Variants in KARS1 observed in about 807,000 individuals in gnomAD.
KARS1 encodes the protein lysyl-tRNA synthetase 1.
In KARS1, 50 loss-of-function variants were observed where a neutral mutation model predicts 63.9. The ratio of observed to expected loss-of-function variants is 0.78; its 90% CI spans 0.62 to 0.99. The LOEUF is 0.99. KARS1 is among the 50% of genes least tolerant of loss of function. The pLI is 0.00. For synonymous variants in KARS1, 320 were observed against 264.6 expected (o/e 1.21, Z -2.03); for missense variants, 816 against 754.5 (o/e 1.08, Z -0.95).
At chr16:75,632,169 C>A (rs964353808) in intron 7 of KARS1, among the ~76,000 whole-genome samples, 13 of 152,152 alleles carry the variant, frequency 8.5e-5, no homozygotes, top group African/African-American at 2.9e-4. Flanking sequence ...GGATTACAGG[C>A]ATGAGCCACC....
At chr16:75,647,557 A>G (rs2082303263) in intron 1 of KARS1, 21 bp downstream of exon 1, 2 of 1,610,742 alleles carry the variant, frequency 1.2e-6, no homozygotes, top group Admixed American at 1.7e-5. Context: ...AAAGGCTTTA[A>G]AGACTCGCAG....
intron 1 of KARS1, 46 bp downstream of exon 1, chr16:75,647,532 A>G: frequency 1.3e-6 from 2 of 1,580,664 alleles, no homozygotes. Flanking sequence ...TTCCCAGCCC[A>G]GACTCTCCTA....
At chr16:75,640,035 T>C in intron 3 of KARS1, 149 bp downstream of exon 3, 2 of 703,938 alleles carry the variant, frequency 2.8e-6, no homozygotes, top group Non-Finnish European at 5.1e-6. Context: ...TGCTTCTTTC[T>C]GTATAGATAT....
intron 1 of KARS1, chr16:75,642,669 T>C (rs1026610400): frequency 6.6e-6 from 1 of 152,240 alleles, no homozygotes; most frequent in African/African-American, 2.4e-5. Context: ...CTGTCAGCAT[T>C]AGTCTCACTT....
intron 12 of KARS1, 73 bp from the exon 13 acceptor site, chr16:75,628,785 G>C (rs940120009): frequency 1.3e-6 from 2 of 1,528,880 alleles, no homozygotes; most frequent in Non-Finnish European, 1.8e-6. Flanking sequence ...CATGTTACCA[G>C]GCTCCGAGGT....
rs748434176 is a variant in KARS1, at chr16:75,636,474, C to T, written c.462G>A (p.Leu154=). Reference sequence around the variant, plus strand: ...GATACCTGGAATTGGCCATGACTTGCAACTTCACCCCCTCTCCTCGAAGAT... The same window carrying T: ...GATACCTGGAATTGGCCATGACTTGTAACTTCACCCCCTCTCCTCGAAGAT... ...FYDLRGEGVK[L]QVMANSRNYK... Residue 154 remains leucine, a synonymous_variant, in exon 4 of 14, where the codon TTG becomes TTA. Transcript: ENST00000302445. 6.2e-7 allele frequency: 1 copy of T among 1,612,742 alleles called. No homozygotes were observed. Among genetic ancestry groups the T allele is most frequent in the South Asian group, 1.1e-5 (1 of 91,064 alleles).
chr16:75,638,694 G>C (rs2082190979), intron 3 of KARS1, among the ~76,000 whole-genome samples: 1 of 151,988 alleles, frequency 6.6e-6, no homozygotes. Context: ...AACAAATAAT[G>C]CCTTAAGAGA....
Position 75,631,492 on chromosome 16 carries a change from C to T in KARS1, c.1176G>A (p.Arg392=). Residue 392 remains arginine (R), a synonymous_variant, in exon 9 of 14, where the codon CGG becomes CGA. Coordinates refer to ENST00000302445, the MANE Select transcript of KARS1 (RefSeq NM_005548.3). ...AYDVDFTPPF[R]RINMVEELEK... ...CAAGCTCTTCTACCATGTTGATTCG[C>T]CGGAAGGGTGGGGTGAAGTCAACAT... The T allele has an allele frequency of 6.2e-7, 1 of 1,614,200 alleles. No homozygotes were observed. The highest frequency in any genetic ancestry group is 1.3e-5 in the African/African-American group (1 of 75,048).
intron 11 of KARS1, 37 bp from the exon 12 acceptor site, chr16:75,629,578 A>G: frequency 1.2e-6 from 2 of 1,612,180 alleles, no homozygotes; most frequent in Non-Finnish European, 1.7e-6. Context: ...CTGAATATAG[A>G]GGCCCCTAAT....
intron 7 of KARS1, among the ~76,000 whole-genome samples, chr16:75,632,821 G>A (rs1366939414): frequency 6.6e-6 from 1 of 152,206 alleles, no homozygotes; most frequent in African/African-American, 2.4e-5. Flanking sequence ...AAATATTGGG[G>A]AAAGTTATAA....
rs2082153324 is a variant in KARS1 at position 75,635,697 on chromosome 16, C to T, written c.778G>A (p.Glu260Lys). 1 of 1,614,114 alleles carries T rather than the reference C, an allele frequency of 6.2e-7. No homozygotes were observed. Among genetic ancestry groups the T allele is most frequent in the Non-Finnish European group, 8.5e-7 (1 of 1,180,006 alleles). The change falls in exon 6 of 14, where the codon GAG (glutamate) becomes AAG (lysine). Residue 260 changes from glutamate (E) to lysine (K), a missense_variant. Transcript: ENST00000302445. ...CTCCTTACCTCTAGGAATCCCAGCT[C>T]ATCTAAGAAACTTCTTATATATGTG... ...IITYIRSFLD[E>K]LGFLEIETPM...
chr16:75,633,515 CTTTTTT>C (rs770761249), intron 7 of KARS1, among the ~76,000 whole-genome samples: 2 of 127,516 alleles, frequency 1.6e-5, no homozygotes, highest in African/African-American at 2.9e-5. Context: ...TTTGAAGATA[CTTTTTT>C]TTTTTTTTTT....
At chr16:75,633,061 T>C (rs1365658425) in intron 7 of KARS1, among the ~76,000 whole-genome samples, 1 of 152,202 alleles carries the variant, frequency 6.6e-6, no homozygotes, top group African/African-American at 2.4e-5. Context: ...CTAATGGTAT[T>C]TACTTTAGAC....
chr16:75,636,378 G>T, intron 4 of KARS1, 76 bp downstream of exon 4: 2 of 982,508 alleles, frequency 2.0e-6, no homozygotes, highest in South Asian at 1.3e-5. Context: ...TCAAATACCA[G>T]TAAGACCACA....
At chr16:75,634,103 T>A in intron 7 of KARS1, 70 bp downstream of exon 7, 1 of 1,515,258 alleles carries the variant, frequency 6.6e-7, no homozygotes, top group Non-Finnish European at 9.1e-7. Flanking sequence ...TTTCTGACTA[T>A]ACCCATCTAG....
intron 7 of KARS1, among the ~76,000 whole-genome samples, chr16:75,633,238 C>T (rs1158990672): frequency 2.0e-5 from 3 of 152,200 alleles, no homozygotes; most frequent in African/African-American, 7.2e-5. Flanking sequence ...TCTTGGTGTG[C>T]AGGTGATCGG....
intron 12 of KARS1, 78 bp from the exon 13 acceptor site, chr16:75,628,790 C>T (rs1030713839): frequency 4.2e-5 from 63 of 1,487,068 alleles, no homozygotes; most frequent in South Asian, 8.0e-5. Flanking sequence ...TACCAGGCTC[C>T]GAGGTGGGAG....
chr16:75,634,396 AAATGTT>A (rs1273519658), intron 6 of KARS1, 104 bp from the exon 7 acceptor site: 2 of 1,164,010 alleles, frequency 1.7e-6, no homozygotes, highest in Non-Finnish European at 2.5e-6. Flanking sequence ...ACCCCAAACT[AAATGTT>A]AATAAGTTCA....
intron 7 of KARS1, chr16:75,633,966 C>T: frequency 3.3e-6 from 2 of 602,590 alleles, no homozygotes. Context: ...GGAAAGACAA[C>T]CCCTTTGGTC....
Sources: gnomAD v4.1 joint callset for allele counts (sites outside exome capture counted in the v4.1 genomes callset) on GRCh38, gnomAD v4.1.1 for gene constraint, MANE v1.5 for transcripts, NCBI Gene and HGNC (gene_info 2026-07-23, HGNC 2026-07-21) for gene names.